The following SLIT2 variants were observed in gnomAD, a reference collection of about 807,000 sequenced individuals.
The protein encoded by SLIT2 is slit homolog 2 protein.
A neutral mutation model predicts 185.7 loss-of-function variants in SLIT2; 41 were observed. The observed-to-expected ratio is 0.22, with a 90% confidence interval of 0.17 to 0.29. The LOEUF (loss-of-function observed/expected upper bound fraction) is 0.29. SLIT2 is among the 10% of genes least tolerant of loss of function. SLIT2 has a pLI of 1.00. For synonymous variants in SLIT2, 693 were observed against 680.2 expected (o/e 1.02, Z -0.29); for missense variants, 1,571 against 1,909.0 (o/e 0.82, Z 3.30).
chr4:20,257,954 T>A lies in SLIT2; in HGVS notation c.323+15T>A. On this transcript the variant is annotated intron_variant, in intron 3 of 36. Transcript: ENST00000504154. ...CTAGAGAGACTGTAAGTATTTTCAA[T>A]TCCAAAGTTATGACAACATAACTGT... is the stretch of plus-strand genomic sequence containing the variant. The A allele has an allele frequency of 1.6e-6, 2 of 1,256,670 alleles. No homozygotes were observed. The highest frequency in any genetic ancestry group is 2.3e-6 in the Non-Finnish European group (2 of 870,952). 77.8% of individuals were successfully genotyped at this position (1,256,670 alleles called of 1,614,324 possible).
chr4:20,594,585 C>T lies in SLIT2; in HGVS notation c.3183-1112C>T, dbSNP rs148882219. Among the ~76,000 whole-genome samples the T allele has an allele frequency of 7.1e-3, 1,074 of 152,050 alleles. 8 individuals carry two copies. The highest frequency in any genetic ancestry group is 0.024 in the African/African-American group (1,015 of 41,484). ...ATACCTGTAGGGATTCTATGGTCCC[C>T]TATAGGTCCACAGTGCAGTTTGAAA... On this transcript the variant is annotated intron_variant, in intron 30 of 36. Transcript: ENST00000504154.
At chr4:20,492,822 G>A (rs957170348) in intron 9 of SLIT2, among the ~76,000 whole-genome samples, 4 of 152,064 alleles carry the variant, frequency 2.6e-5, no homozygotes, top group Admixed American at 2.0e-4. Flanking sequence ...TGATAATAAA[G>A]TAACTTATCT....
chr4:20,579,999 TATATC>T (rs1382737291), intron 29 of SLIT2, among the ~76,000 whole-genome samples: 1 of 145,466 alleles, frequency 6.9e-6, no homozygotes, highest in Non-Finnish European at 1.5e-5. Context: ...TAATATGTAA[TATATC>T]ATATATAATA....
intron 1 of SLIT2, chr4:20,255,053 C>T (rs1453818970): frequency 6.6e-6 from 3 of 456,176 alleles, no homozygotes; most frequent in African/African-American, 4.0e-5. Flanking sequence ...GGCCGCCGCC[C>T]CGCGCCAGTC....
intron 4 of SLIT2, among the ~76,000 whole-genome samples, chr4:20,428,171 T>A (rs758600614): frequency 2.6e-5 from 4 of 151,914 alleles, no homozygotes; most frequent in Non-Finnish European, 5.9e-5. Flanking sequence ...TTAGTATGTG[T>A]TTTTAAAGTC....
At chr4:20,407,977 G>A (rs1726902871) in intron 4 of SLIT2, among the ~76,000 whole-genome samples, 1 of 152,286 alleles carries the variant, frequency 6.6e-6, no homozygotes, top group South Asian at 2.1e-4. Flanking sequence ...TCAAGCAGAT[G>A]CTGTGATAGG....
chr4:20,591,813 A>G (rs1208494776), intron 30 of SLIT2, among the ~76,000 whole-genome samples: 1 of 152,096 alleles, frequency 6.6e-6, no homozygotes, highest in South Asian at 2.1e-4. Context: ...GTGTATTGTA[A>G]GTATAAGATA....
chr4:20,358,036 T>C (rs774118739), intron 4 of SLIT2, among the ~76,000 whole-genome samples: 2 of 152,156 alleles, frequency 1.3e-5, no homozygotes, highest in Non-Finnish European at 2.9e-5. Flanking sequence ...TTCACTTTAA[T>C]TTAAAGGCCT....
chr4:20,609,138 A>G (rs1037996887), intron 33 of SLIT2, among the ~76,000 whole-genome samples: 3 of 152,192 alleles, frequency 2.0e-5, no homozygotes, highest in Admixed American at 6.5e-5. Flanking sequence ...AAAACCATGT[A>G]AAACATATTT....
rs3049201 is a variant in SLIT2, at chr4:20,442,523, C to CA, written c.396-25209dup. Among the ~76,000 whole-genome samples, 574 of 73,302 alleles carry CA rather than the reference C, an allele frequency of 7.8e-3. 6 individuals carry two copies. Among genetic ancestry groups the CA allele is most frequent in the South Asian group, 0.012 (17 of 1,470 alleles). 48.1% of individuals were successfully genotyped at this position (73,302 alleles called of 152,430 possible). On this transcript the variant is annotated intron_variant, in intron 4 of 36. Coordinates refer to ENST00000504154, the MANE Select transcript of SLIT2 (RefSeq NM_004787.4). ...TGGGCGACAGAGGGAGACTCTGTCT[C>CA]AAAAAAAAAAAAAAAAAAAAGGGGG...
Position 20,619,327 on chromosome 4 carries a change from A to G in SLIT2, c.*318A>G. On this transcript the variant is annotated 3_prime_UTR_variant, in exon 37 of 37. Coordinates refer to ENST00000504154, the MANE Select transcript of SLIT2 (RefSeq NM_004787.4). Reference sequence around the variant, plus strand: ...AAGCAGAAGCACATGCACGAGGGACAGAGGAGCTACTGTGCACTGCTGTGA... The same window carrying G: ...AAGCAGAAGCACATGCACGAGGGACGGAGGAGCTACTGTGCACTGCTGTGA... 4.4e-6 allele frequency: 1 copy of G among 228,948 alleles called. No individual in the cohort carries two copies. The highest frequency in any genetic ancestry group is 8.8e-6 in the Non-Finnish European group (1 of 114,200). 14.2% of individuals were successfully genotyped at this position (228,948 alleles called of 1,614,324 possible). A position where few individuals can be genotyped will look rare whatever the true frequency, so the allele number is the denominator to read the frequency against.
At chr4:20,376,359 C>A (rs1724020075) in intron 4 of SLIT2, among the ~76,000 whole-genome samples, 1 of 151,776 alleles carries the variant, frequency 6.6e-6, no homozygotes, top group African/African-American at 2.4e-5. Context: ...CTCAGTGACC[C>A]ATAGATGACC....
At chr4:20,350,847 A>G (rs917191693) in intron 4 of SLIT2, among the ~76,000 whole-genome samples, 2 of 152,118 alleles carry the variant, frequency 1.3e-5, no homozygotes, top group Non-Finnish European at 2.9e-5. Context: ...AAAGAGTTAA[A>G]TAATTTCAAC....
chr4:20,283,954 C>T (rs547684201), intron 4 of SLIT2, among the ~76,000 whole-genome samples: 3 of 152,216 alleles, frequency 2.0e-5, no homozygotes, highest in South Asian at 2.1e-4. Context: ...ATGTATATAT[C>T]GCAGTGTGTA....
intron 4 of SLIT2, among the ~76,000 whole-genome samples, chr4:20,429,888 G>T (rs1239121026): frequency 1.3e-5 from 2 of 152,188 alleles, no homozygotes; most frequent in Non-Finnish European, 2.9e-5. Flanking sequence ...GCCATGCTTG[G>T]ATTTCATCTG....
chr4:20,333,981 G>A (rs985842027), intron 4 of SLIT2, among the ~76,000 whole-genome samples: 2 of 152,294 alleles, frequency 1.3e-5, no homozygotes, highest in Admixed American at 6.5e-5. Context: ...ATTAGTTATA[G>A]CTTTGAAGTA....
At chr4:20,466,506 T>G (rs1278982985) in intron 4 of SLIT2, among the ~76,000 whole-genome samples, 1 of 151,316 alleles carries the variant, frequency 6.6e-6, no homozygotes, top group African/African-American at 2.4e-5. Flanking sequence ...TACGAATTGC[T>G]TAGCAAAAAA....
intron 4 of SLIT2, among the ~76,000 whole-genome samples, chr4:20,464,407 A>G (rs1480399220): frequency 2.0e-5 from 3 of 152,172 alleles, no homozygotes; most frequent in Non-Finnish European, 4.4e-5. Flanking sequence ...CTCAATTTCC[A>G]GATTAATCTT....
intron 35 of SLIT2, 79 bp downstream of exon 35, chr4:20,617,277 G>A: frequency 1.4e-6 from 2 of 1,420,820 alleles, no homozygotes; most frequent in South Asian, 2.7e-5. Flanking sequence ...GAAAGAAGAA[G>A]GGGAGGGGAC....
Sources: allele counts gnomAD v4.1 joint callset (sites outside exome capture counted in the v4.1 genomes callset), GRCh38; gene constraint gnomAD v4.1.1; transcripts MANE v1.5; gene names NCBI Gene and HGNC (gene_info 2026-07-23, HGNC 2026-07-21).